Variants in ANKRD20A1 observed in about 807,000 individuals in gnomAD.
The protein encoded by ANKRD20A1 is ankyrin repeat domain-containing protein 20A1.
In ANKRD20A1, 2 loss-of-function variants were observed where a neutral mutation model predicts 50.9. That is an observed-to-expected ratio of 0.04 (90% confidence interval 0.02 to 0.12). The LOEUF (loss-of-function observed/expected upper bound fraction) is 0.12. ANKRD20A1 is among the 10% of genes least tolerant of loss of function. The pLI is 1.00. For synonymous variants in ANKRD20A1, 10 were observed against 186.2 expected, an observed-to-expected ratio of 0.05 and a Z score of 7.70; for missense variants, 31 against 548.1, an observed-to-expected ratio of 0.06 and a Z score of 9.42.
rs1410070651 is a variant in ANKRD20A1 at position 67,893,019 on chromosome 9, CAAT to C, written c.1082-413_1082-411del. ...TGCACACTAATTAAGGTATAAACAA[CAAT>C]AATTTTGCAAATTATTAGTAACTGC... is the stretch of plus-strand genomic sequence containing the variant. On this transcript the variant is annotated intron_variant, in intron 11 of 14. Coordinates refer to ENST00000562196, the MANE Select transcript of ANKRD20A1 (RefSeq NM_032250.5). Among the ~76,000 whole-genome samples the C allele has an allele frequency of 4.0e-4, 31 of 78,104 alleles. 5 individuals carry two copies. The highest frequency in any genetic ancestry group is 6.2e-4 in the Non-Finnish European group (23 of 37,130). The allele number at this position is 78,104 out of a possible 152,430, so 51.2% of individuals were successfully genotyped here. A position where few individuals can be genotyped will look rare whatever the true frequency, so the allele number is the denominator to read the frequency against.
chr9:67,882,402 T>G, intron 8 of ANKRD20A1, among the ~76,000 whole-genome samples: 1 of 142,864 alleles, frequency 7.0e-6, no homozygotes, highest in Non-Finnish European at 1.5e-5. Flanking sequence ...TTGCTTACAT[T>G]GTATTTTTTA....
Position 67,900,500 on chromosome 9 carries a change from A to G in ANKRD20A1, c.1505A>G (p.His502Arg), listed in dbSNP as rs1184006940. The change falls in exon 15 of 15, where the codon CAT becomes CGT. Residue 502 changes from histidine to arginine, a missense_variant. Coordinates refer to ENST00000562196, the MANE Select transcript of ANKRD20A1 (RefSeq NM_032250.5). Reference protein sequence around the residue: ...TARNTPNWDFHNHEEMKGLMD... With the variant: ...TARNTPNWDFRNHEEMKGLMD... ...TTCTTTTGTTTTATTTAGGATTTTC[A>G]TAATCATGAAGAAATGAAAGGTCTG... 7.2e-5 allele frequency: 69 copies of G among 952,868 alleles called. 26 individuals are homozygous for G. The highest frequency in any genetic ancestry group is 8.9e-5 in the Non-Finnish European group (64 of 721,858). The allele number at this position is 952,868 out of a possible 1,614,324, so 59.0% of individuals were successfully genotyped here. A position where few individuals can be genotyped will look rare whatever the true frequency, so the allele number is the denominator to read the frequency against.
At chr9:67,885,178 G>A (rs1205588926) in intron 9 of ANKRD20A1, among the ~76,000 whole-genome samples, 1 of 152,272 alleles carries the variant, frequency 6.6e-6, no homozygotes, top group African/African-American at 2.4e-5. Flanking sequence ...GGAGAGCGGA[G>A]TGTACATGGA....
At chr9:67,882,867 A>G (rs1404332811) in intron 8 of ANKRD20A1, among the ~76,000 whole-genome samples, 2 of 150,106 alleles carry the variant, frequency 1.3e-5, no homozygotes, top group Admixed American at 6.8e-5. Flanking sequence ...ATTTCCGCCT[A>G]TGAGTGAGAA....
chr9:67,892,249 CCTGCCCT>C (rs1371157276), intron 11 of ANKRD20A1, among the ~76,000 whole-genome samples: 1 of 82,258 alleles, frequency 1.2e-5, no homozygotes, highest in African/African-American at 4.0e-5. Context: ...CTCATCCTTT[CCTGCCCT>C]CTGCCTCACT....
intron 8 of ANKRD20A1, among the ~76,000 whole-genome samples, chr9:67,882,034 C>T (rs1356473486): frequency 7.0e-6 from 1 of 142,522 alleles, no homozygotes; most frequent in Non-Finnish European, 1.5e-5. Context: ...GGCTGGAGGG[C>T]ACTGGTGAGA....
At chr9:67,890,917 A>G (rs1422489044) in intron 11 of ANKRD20A1, among the ~76,000 whole-genome samples, 8 of 116,712 alleles carry the variant, frequency 6.9e-5, no homozygotes, top group Non-Finnish European at 1.7e-5. Context: ...TATAAATCCA[A>G]AGTTTCTTAC....
intron 8 of ANKRD20A1, among the ~76,000 whole-genome samples, chr9:67,881,427 T>C (rs374553668): frequency 0.02 from 2,966 of 144,838 alleles, no homozygotes; most frequent in African/African-American, 0.073. Context: ...TTAATACCAA[T>C]GGATGGTAAG....
intron 8 of ANKRD20A1, among the ~76,000 whole-genome samples, chr9:67,881,741 G>A (rs1191534457): frequency 6.6e-6 from 1 of 151,408 alleles, no homozygotes; most frequent in Non-Finnish European, 1.5e-5. Context: ...GTTGCAGTGA[G>A]CCAAGATCGC....
intron 9 of ANKRD20A1, among the ~76,000 whole-genome samples, chr9:67,885,169 G>A (rs1827858731): frequency 1.3e-5 from 2 of 152,242 alleles, no homozygotes; most frequent in Non-Finnish European, 2.9e-5. Context: ...AAAGAATGAG[G>A]AGAGCGGAGT....
chr9:67,883,844 A>T (rs1176356695), intron 8 of ANKRD20A1, among the ~76,000 whole-genome samples: 1 of 10,206 alleles, frequency 9.8e-5, no homozygotes, highest in African/African-American at 1.7e-4. Flanking sequence ...GTGTAGTGGC[A>T]TGATCTTGGC....
intron 8 of ANKRD20A1, among the ~76,000 whole-genome samples, chr9:67,881,057 T>A (rs1260336934): frequency 6.8e-6 from 1 of 146,678 alleles, no homozygotes; most frequent in African/African-American, 2.5e-5. Context: ...TCATATTGTT[T>A]TTACGAGAGA....
chr9:67,890,338 G>T (rs1827924201), intron 11 of ANKRD20A1, among the ~76,000 whole-genome samples: 1 of 87,634 alleles, frequency 1.1e-5, no homozygotes, highest in Non-Finnish European at 2.5e-5. Flanking sequence ...TTTGGGCCTG[G>T]AATAGAAAAC....
intron 6 of ANKRD20A1, among the ~76,000 whole-genome samples, chr9:67,872,280 C>T (rs1827661352): frequency 7.9e-6 from 1 of 126,848 alleles, no homozygotes; most frequent in Non-Finnish European, 1.7e-5. Flanking sequence ...TTGTGAGAAG[C>T]ACAAGTTATA....
intron 8 of ANKRD20A1, among the ~76,000 whole-genome samples, chr9:67,882,172 A>G (rs1157919937): frequency 6.1e-5 from 9 of 148,476 alleles, no homozygotes; most frequent in Non-Finnish European, 1.2e-4. Context: ...AGTTTTGTAG[A>G]GACAGGGTTT....
At position 67,859,151 on chromosome 9, in the gene ANKRD20A1, C is replaced by T. The variant is rs1177814773; in HGVS notation, c.-276C>T. The T allele has an allele frequency of 1.8e-4, 24 of 130,582 alleles. 7 individuals are homozygous for T. The highest frequency in any genetic ancestry group is 1.3e-3 in the Admixed American group (9 of 6,980). The allele number at this position is 130,582 out of a possible 1,614,324, so 8.1% of individuals were successfully genotyped here. A position where few individuals can be genotyped will look rare whatever the true frequency, so the allele number is the denominator to read the frequency against. On this transcript the variant is annotated 5_prime_UTR_variant, in exon 1 of 15. Transcript: ENST00000562196. ...AGCTCGGCAGCAACTGCCGTGCAGG[C>T]GCGCGCCCAACGGCTTTGCGAGGCT...
intron 8 of ANKRD20A1, among the ~76,000 whole-genome samples, chr9:67,882,841 G>C (rs1286498631): frequency 1.5e-4 from 22 of 150,178 alleles, no homozygotes; most frequent in African/African-American, 5.1e-4. Flanking sequence ...CTGTGTCCAG[G>C]TGTTCTCATT....
chr9:67,881,122 G>T (rs1261643158), intron 8 of ANKRD20A1, among the ~76,000 whole-genome samples: 4 of 150,858 alleles, frequency 2.7e-5, no homozygotes, highest in Non-Finnish European at 4.4e-5. Flanking sequence ...ATTAATAATT[G>T]TAGAAAAATA....
At chr9:67,882,905 C>G (rs1184292292) in intron 8 of ANKRD20A1, among the ~76,000 whole-genome samples, 1 of 150,900 alleles carries the variant, frequency 6.6e-6, no homozygotes, top group Non-Finnish European at 1.5e-5. Context: ...TTTGTCCTTG[C>G]GATAGTTTGC....
Sources: allele counts gnomAD v4.1 joint callset (sites outside exome capture counted in the v4.1 genomes callset), GRCh38; gene constraint gnomAD v4.1.1; transcripts MANE v1.5; gene names NCBI Gene and HGNC (gene_info 2026-07-23, HGNC 2026-07-21).